TMEM163: variants seen among roughly 807,000 people sequenced by gnomAD.
The protein encoded by TMEM163 is transmembrane protein 163.
A neutral mutation model predicts 29.3 loss-of-function variants in TMEM163; 17 were observed. The ratio of observed to expected loss-of-function variants is 0.58; its 90% CI spans 0.40 to 0.87. The LOEUF (loss-of-function observed/expected upper bound fraction) is 0.87, where lower values mean the gene tolerates loss of function less well. TMEM163 is among the 40% of genes least tolerant of loss of function. TMEM163 has a pLI of 0.00. For missense variants in TMEM163, 303 were observed against 381.5 expected (o/e 0.79, Z 1.71); for synonymous variants, 157 against 160.6 (o/e 0.98, Z 0.17).
chr2:134,582,235 T>C (rs1681712217), intron 2 of TMEM163, among the ~76,000 whole-genome samples: 1 of 152,098 alleles, frequency 6.6e-6, no homozygotes, highest in Non-Finnish European at 1.5e-5. Flanking sequence ...CTCATCAACT[T>C]CAAAAAAGGC....
intron 2 of TMEM163, among the ~76,000 whole-genome samples, chr2:134,635,001 T>A (rs1243749928): frequency 1.3e-5 from 2 of 152,232 alleles, no homozygotes; most frequent in Non-Finnish European, 2.9e-5. Context: ...GCCAGAAGAA[T>A]CTCAAGTGTG....
At chr2:134,678,853 G>C (rs1025277046) in intron 2 of TMEM163, among the ~76,000 whole-genome samples, 1 of 152,152 alleles carries the variant, frequency 6.6e-6, no homozygotes, top group Non-Finnish European at 1.5e-5. Flanking sequence ...AAGCTATTTT[G>C]TTCTAACTTC....
intron 2 of TMEM163, among the ~76,000 whole-genome samples, chr2:134,622,239 C>A (rs1233163645): frequency 6.6e-6 from 1 of 152,130 alleles, no homozygotes; most frequent in African/African-American, 2.4e-5. Flanking sequence ...TGGTGATACA[C>A]AAGTTTATAA....
intron 2 of TMEM163, among the ~76,000 whole-genome samples, chr2:134,681,093 T>A (rs1296462844): frequency 2.0e-5 from 3 of 152,142 alleles, no homozygotes; most frequent in Non-Finnish European, 4.4e-5. Context: ...CCTTAATAGT[T>A]CCCATCATTT....
intron 2 of TMEM163, among the ~76,000 whole-genome samples, chr2:134,624,544 AC>A (rs1682807634): frequency 6.6e-6 from 1 of 152,050 alleles, no homozygotes. Flanking sequence ...TGTACAACAA[AC>A]CCCCATGACA....
intron 2 of TMEM163, among the ~76,000 whole-genome samples, chr2:134,702,315 C>T (rs1292136718): frequency 1.3e-5 from 2 of 152,312 alleles, no homozygotes; most frequent in East Asian, 1.9e-4. Context: ...TATTTTTTAA[C>T]CATCACAAAT....
chr2:134,582,470 C>T (rs971396276), intron 2 of TMEM163, among the ~76,000 whole-genome samples: 4 of 152,212 alleles, frequency 2.6e-5, no homozygotes, highest in African/African-American at 9.7e-5. Flanking sequence ...TAAGTTCTCA[C>T]AAATAAAACC....
At chr2:134,504,280 T>C (rs1679767476) in intron 4 of TMEM163, among the ~76,000 whole-genome samples, 1 of 152,146 alleles carries the variant, frequency 6.6e-6, no homozygotes, top group Non-Finnish European at 1.5e-5. Flanking sequence ...GGTGTAGGTT[T>C]TATTCCTTCA....
At chr2:134,619,598 A>T (rs1247223616) in intron 2 of TMEM163, among the ~76,000 whole-genome samples, 1 of 152,200 alleles carries the variant, frequency 6.6e-6, no homozygotes, top group African/African-American at 2.4e-5. Context: ...TCTATGAGAA[A>T]CCTACAGCTA....
chr2:134,487,010 C>A (rs1362548989), intron 5 of TMEM163, among the ~76,000 whole-genome samples: 1 of 152,112 alleles, frequency 6.6e-6, no homozygotes, highest in African/African-American at 2.4e-5. Flanking sequence ...ACCAAACAAG[C>A]AAACCTCTTA....
rs138432546 is a variant in TMEM163, at chr2:134,609,902, G to A, written c.323-57811C>T. ...TGGTGAAAAGGAGGACAGACCCCGA[G>A]AACTGTGCTGGTGAAAAGGGCACAG... On this transcript the variant is annotated intron_variant, in intron 2 of 7. Coordinates refer to ENST00000281924, the MANE Select transcript of TMEM163 (RefSeq NM_030923.5). Among the ~76,000 whole-genome samples, 208 of 152,112 alleles carry A rather than the reference G, an allele frequency of 1.4e-3. 3 individuals are homozygous for A. Among genetic ancestry groups the A allele is most frequent in the Admixed American group, 0.012 (187 of 15,286 alleles).
At chr2:134,523,466 GA>G in intron 4 of TMEM163, among the ~76,000 whole-genome samples, 1 of 152,202 alleles carries the variant, frequency 6.6e-6, no homozygotes, top group East Asian at 1.9e-4. Context: ...ATTTCATTTA[GA>G]AAAAATGCTT....
At chr2:134,649,225 A>C (rs1395533811) in intron 2 of TMEM163, among the ~76,000 whole-genome samples, 3 of 152,254 alleles carry the variant, frequency 2.0e-5, no homozygotes, top group African/African-American at 7.2e-5. Flanking sequence ...TCAAGAGATA[A>C]ATGAGCAAAA....
rs747197803 is a variant in TMEM163, at chr2:134,466,113, C to T, written c.667+1G>A. On this transcript the variant is annotated splice_donor_variant, in intron 6 of 7. Transcript: ENST00000281924. LOFTEE classifies it high-confidence loss of function. ...AGATTAGGCACCCTGGCCTTACTCA[C>T]CATCTGTTATGAGTGCTCTACTGGT... The T allele has an allele frequency of 6.2e-7, 1 of 1,610,990 alleles. No individual in the cohort carries two copies. Among genetic ancestry groups the T allele is most frequent in the Non-Finnish European group, 8.5e-7 (1 of 1,178,566 alleles).
chr2:134,461,488 C>A (rs1011283366), intron 6 of TMEM163, among the ~76,000 whole-genome samples: 2 of 152,186 alleles, frequency 1.3e-5, no homozygotes, highest in African/African-American at 4.8e-5. Flanking sequence ...CTCTCTCATG[C>A]TCTTCCTCTG....
Position 134,503,856 on chromosome 2 carries a change from C to T in TMEM163, c.459-859G>A, listed in dbSNP as rs145514806. Among the ~76,000 whole-genome samples the T allele has an allele frequency of 5.3e-5, 8 of 151,468 alleles. No homozygotes were observed. The East Asian group carries it at 1.6e-3, about 29-fold the overall frequency. ...AAAGTCTCTGACAACCCAGACACAA[C>T]AAATCTCAGGATGGAAAAATGAAGA... On this transcript the variant is annotated intron_variant, in intron 4 of 7. Transcript: ENST00000281924.
intron 2 of TMEM163, among the ~76,000 whole-genome samples, chr2:134,648,431 G>A (rs1177706126): frequency 1.3e-5 from 2 of 151,966 alleles, no homozygotes; most frequent in African/African-American, 2.4e-5. Context: ...GGGAACATTC[G>A]AGCGGGAAAA....
intron 2 of TMEM163, among the ~76,000 whole-genome samples, chr2:134,701,916 CAAAA>C (rs71301801): frequency 1.7e-3 from 111 of 66,540 alleles, no homozygotes; most frequent in African/African-American, 4.3e-3. Flanking sequence ...AAAACTGTCT[CAAAA>C]AAAAAAAAAA....
chr2:134,668,775 A>G (rs1683925705), intron 2 of TMEM163, among the ~76,000 whole-genome samples: 2 of 152,126 alleles, frequency 1.3e-5, no homozygotes, highest in Admixed American at 1.3e-4. Context: ...CGAGTCACAC[A>G]CACACAAAAA....
Sources: allele counts gnomAD v4.1 joint callset (sites outside exome capture counted in the v4.1 genomes callset), GRCh38; gene constraint gnomAD v4.1.1; transcripts MANE v1.5; gene names NCBI Gene and HGNC (gene_info 2026-07-23, HGNC 2026-07-21).